DVL3: variants seen among roughly 807,000 people sequenced by gnomAD.
DVL3 encodes dishevelled segment polarity protein 3, also known as segment polarity protein dishevelled homolog DVL-3.
A neutral mutation model predicts 67.4 loss-of-function variants in DVL3; 27 were observed. The observed-to-expected ratio is 0.40, with a 90% CI of 0.30 to 0.55. The LOEUF (loss-of-function observed/expected upper bound fraction) is 0.55. Among genes scored for constraint, DVL3 ranks in the 20% least tolerant of loss-of-function variants. The probability of loss-of-function intolerance (pLI) is 0.46; values close to 1 mark genes in which losing one functional copy is unlikely to be tolerated. For missense variants in DVL3, 819 were observed against 1,021.5 expected (o/e 0.80, Z 2.70); for synonymous variants, 369 against 396.8 (o/e 0.93, Z 0.83).
Position 184,164,648 on chromosome 3 carries a change from C to A in DVL3, c.463+47C>A. 6.4e-7 allele frequency: 1 copy of A among 1,551,928 alleles called. No homozygotes were observed. The highest frequency in any genetic ancestry group is 8.7e-7 in the Non-Finnish European group (1 of 1,144,532). ...CACTGTCCGCACCTCACACCCTCCCCTCACTTTCCACCCAGCTACCCACCT... is the reference window on the plus strand; with the variant it reads ...CACTGTCCGCACCTCACACCCTCCCATCACTTTCCACCCAGCTACCCACCT... On this transcript the variant is annotated intron_variant, in intron 4 of 14. Coordinates refer to ENST00000313143, the MANE Select transcript of DVL3 (RefSeq NM_004423.4). The surrounding 1 kb of genome is among the most constrained non-coding windows in gnomAD (Gnocchi z 5.3).
rs1714558249 is a variant in DVL3 at position 184,165,656 on chromosome 3, A to G, written c.763+165A>G. 6.6e-6 allele frequency among the ~76,000 whole-genome samples: 1 copy of G among 152,200 alleles called. No individual in the cohort carries two copies. ...ATTTTAGTATCTCACCATCAGGGCT[A>G]TGACAGAGATAAGCACAGAGAGCTG... is the stretch of plus-strand genomic sequence containing the variant. On this transcript the variant is annotated intron_variant, in intron 7 of 14. Coordinates refer to ENST00000313143, the MANE Select transcript of DVL3 (RefSeq NM_004423.4). The surrounding 1 kb of genome is among the most constrained non-coding windows in gnomAD (Gnocchi z 4.1).
Position 184,166,796 on chromosome 3 carries a change from G to A in DVL3, c.1049-30G>A, listed in dbSNP as rs1714606529. ...TTGGGCCCAGCAGTGGGTGGGGTGG[G>A]TAGCCCATGACTCCTCATCCTCCCT... On this transcript the variant is annotated intron_variant, in intron 10 of 14. Transcript: ENST00000313143. This position sits in a 1 kb window ranked among gnomAD's most constrained non-coding sequence, Gnocchi z 6.7. 6.2e-7 allele frequency: 1 copy of A among 1,613,494 alleles called. No individual in the cohort carries two copies. Among genetic ancestry groups the A allele is most frequent in the African/African-American group, 1.3e-5 (1 of 74,916 alleles).
chr3:184,169,215 A>G (rs980867684), intron 13 of DVL3, among the ~76,000 whole-genome samples: 5 of 152,194 alleles, frequency 3.3e-5, no homozygotes, highest in African/African-American at 1.2e-4. Context: ...TCATCTGAGA[A>G]GGTAAGGAGA....
intron 13 of DVL3, among the ~76,000 whole-genome samples, chr3:184,168,643 A>C (rs949194850): frequency 6.6e-6 from 1 of 152,082 alleles, no homozygotes; most frequent in East Asian, 1.9e-4. Context: ...CTGTCTCCTG[A>C]CTTCTCTCTT....
chr3:184,171,360 C>G lies in DVL3; in HGVS notation c.*605C>G. 1.0e-6 allele frequency: 1 copy of G among 1,003,096 alleles called. No individual in the cohort carries two copies. The highest frequency in any genetic ancestry group is 1.2e-6 in the Non-Finnish European group (1 of 841,880). The allele number at this position is 1,003,096 out of a possible 1,614,324, so 62.1% of individuals were successfully genotyped here. A position where few individuals can be genotyped will look rare whatever the true frequency, so the allele number is the denominator to read the frequency against. Reference sequence around the variant, plus strand: ...ATGCCATCCCTGCCTGTGCCTAGATCAGAGGCCCAGAGGGCCCCCTCAGTT... The same window carrying G: ...ATGCCATCCCTGCCTGTGCCTAGATGAGAGGCCCAGAGGGCCCCCTCAGTT... On this transcript the variant is annotated 3_prime_UTR_variant, in exon 15 of 15. Coordinates refer to ENST00000313143, the MANE Select transcript of DVL3 (RefSeq NM_004423.4).
chr3:184,170,545 C>T lies in DVL3; in HGVS notation c.1941C>T (p.His647=). 2 of 1,612,284 alleles carry T rather than the reference C, an allele frequency of 1.2e-6. No homozygotes were observed. The highest frequency in any genetic ancestry group is 8.5e-7 in the Non-Finnish European group (1 of 1,179,108). The change falls in exon 15 of 15, where the codon CAC becomes CAT. Residue 647 remains histidine, a synonymous_variant. Transcript: ENST00000313143. This position sits in a 1 kb window ranked among gnomAD's most constrained non-coding sequence, Gnocchi z 6.5. ...CCCTGGCCAGCAGCCTTCGCAGCCA[C>T]CACACACACCCGAGCTACGGTCCTC... ...HHSLASSLRS[H]HTHPSYGPPG...
chr3:184,170,154 G>A lies in DVL3; in HGVS notation c.1647G>A (p.Pro549=), dbSNP rs1714762709. Reference sequence around the variant, plus strand: ...CGCCACCCCCGCACCCATACAACCCGCACCCGGGCTTCCCGGAGCTGGGCT... The same window carrying A: ...CGCCACCCCCGCACCCATACAACCCACACCCGGGCTTCCCGGAGCTGGGCT... ...QYPPPPHPYN[P]HPGFPELGYS... Residue 549 remains proline (P), a synonymous_variant, in exon 14 of 15, where the codon CCG becomes CCA. Transcript: ENST00000313143. The surrounding 1 kb of genome is among the most constrained non-coding windows in gnomAD (Gnocchi z 6.5). 4 of 1,613,496 alleles carry A rather than the reference G, an allele frequency of 2.5e-6. No individual in the cohort carries two copies. Among genetic ancestry groups the A allele is most frequent in the Non-Finnish European group, 3.4e-6 (4 of 1,179,938 alleles).
chr3:184,169,855 G>A lies in DVL3; in HGVS notation c.1499-151G>A, dbSNP rs1714742084. 2.9e-5 allele frequency: 19 copies of A among 662,878 alleles called. No homozygotes were observed. In the East Asian group the frequency reaches 5.7e-4, roughly 20 times the overall value. 41.1% of individuals were successfully genotyped at this position (662,878 alleles called of 1,614,324 possible). ...GGGGCTGGCTCTGGTGGTGGCAAAG[G>A]GGGTCTGCAGAAGGGGGGAGCTCTC... is the stretch of plus-strand genomic sequence containing the variant. On this transcript the variant is annotated intron_variant, in intron 13 of 14. Coordinates refer to ENST00000313143, the MANE Select transcript of DVL3 (RefSeq NM_004423.4).
In DVL3 at chr3:184,170,478, C is replaced by T; in HGVS notation, c.1874C>T (p.Ser625Leu). 6.3e-7 allele frequency: 1 copy of T among 1,592,266 alleles called. No individual in the cohort carries two copies. Among genetic ancestry groups the T allele is most frequent in the Non-Finnish European group, 8.6e-7 (1 of 1,169,470 alleles). The change falls in exon 15 of 15, where the codon TCA becomes TTA. Residue 625 changes from serine to leucine, a missense_variant. This residue lies in a region of DVL3 where 324 missense variants were observed against 331.3 expected (regional missense o/e 0.98). Coordinates refer to ENST00000313143, the MANE Select transcript of DVL3 (RefSeq NM_004423.4). The surrounding 1 kb of genome is among the most constrained non-coding windows in gnomAD (Gnocchi z 6.5). ...GPRERAPSERSGPAASEHSHR... is the reference protein window; with the variant it reads ...GPRERAPSERLGPAASEHSHR... ...CGGGAGCGGGCGCCCAGCGAGCGCT[C>T]AGGGCCGGCGGCCAGCGAGCACAGC...
chr3:184,158,088 A>G (rs555495163), intron 1 of DVL3, among the ~76,000 whole-genome samples: 1 of 152,288 alleles, frequency 6.6e-6, no homozygotes, highest in African/African-American at 2.4e-5. Flanking sequence ...TAATCTCAGC[A>G]ATTTGGGAGG....
Position 184,172,095 on chromosome 3 carries a change from G to C in DVL3, c.*1340G>C, listed in dbSNP as rs1214769754. On this transcript the variant is annotated 3_prime_UTR_variant, in exon 15 of 15. Coordinates refer to ENST00000313143, the MANE Select transcript of DVL3 (RefSeq NM_004423.4). ...GGGTCTCAGGCTGGGCTCAGCAAAGGACTCGCCTTGCAACCGACAGGCCAT... is the reference window on the plus strand; with the variant it reads ...GGGTCTCAGGCTGGGCTCAGCAAAGCACTCGCCTTGCAACCGACAGGCCAT... 2.0e-5 allele frequency: 3 copies of C among 152,388 alleles called. No individual in the cohort carries two copies. The highest frequency in any genetic ancestry group is 7.2e-5 in the African/African-American group (3 of 41,392). The allele number at this position is 152,388 out of a possible 1,614,324, so 9.4% of individuals were successfully genotyped here. A position where few individuals can be genotyped will look rare whatever the true frequency, so the allele number is the denominator to read the frequency against.
Position 184,167,531 on chromosome 3 carries a change from C to G in DVL3, c.1199-49C>G, listed in dbSNP as rs755775351. ...AGCTAGAATGCAAACTCTTGTTTACCTAACTCCAAAGCCCCTTTCTGCCTC... is the reference window on the plus strand; with the variant it reads ...AGCTAGAATGCAAACTCTTGTTTACGTAACTCCAAAGCCCCTTTCTGCCTC... On this transcript the variant is annotated intron_variant, in intron 11 of 14. Coordinates refer to ENST00000313143, the MANE Select transcript of DVL3 (RefSeq NM_004423.4). This position sits in a 1 kb window ranked among gnomAD's most constrained non-coding sequence, Gnocchi z 4.6. 1.3e-6 allele frequency: 2 copies of G among 1,576,544 alleles called. No individual in the cohort carries two copies. Among genetic ancestry groups the G allele is most frequent in the Non-Finnish European group, 1.7e-6 (2 of 1,154,210 alleles).
At chr3:184,161,875 T>A (rs1466109727) in intron 1 of DVL3, among the ~76,000 whole-genome samples, 1 of 152,244 alleles carries the variant, frequency 6.6e-6, no homozygotes, top group Non-Finnish European at 1.5e-5. Flanking sequence ...GTTAACTGAA[T>A]ACATCTCAGT....
chr3:184,156,903 G>C (rs1279598435), intron 1 of DVL3: 1 of 167,922 alleles, frequency 6.0e-6, no homozygotes, highest in Non-Finnish European at 1.3e-5. Context: ...AGGCCCCACA[G>C]CCAAGAGGAG....
In DVL3 at chr3:184,171,510, TG is replaced by T; in HGVS notation, c.*756del. ...AGCAGGCTCATCTCACCTCCAGGCC[TG>T]AAACATTTCTTTTCTTTCTTTTTTC... On this transcript the variant is annotated 3_prime_UTR_variant, in exon 15 of 15. Transcript: ENST00000313143. 1 of 986,050 alleles carries T rather than the reference TG, an allele frequency of 1.0e-6. No homozygotes were observed. Among genetic ancestry groups the T allele is most frequent in the Non-Finnish European group, 1.2e-6 (1 of 830,050 alleles). The allele number at this position is 986,050 out of a possible 1,614,324, so 61.1% of individuals were successfully genotyped here. A position where few individuals can be genotyped will look rare whatever the true frequency, so the allele number is the denominator to read the frequency against.
rs752593464 is a variant in DVL3 at position 184,169,992 on chromosome 3, C to T, written c.1499-14C>T. 63 of 1,590,172 alleles carry T rather than the reference C, an allele frequency of 4.0e-5. No individual in the cohort carries two copies. Among genetic ancestry groups the T allele is most frequent in the Middle Eastern group, 1.7e-4 (1 of 5,962 alleles). Reference sequence around the variant, plus strand: ...CCGGAAAGACCTAGCTCCATCCGGCCCTCCCCTTCACAGACATGGCCAACC... The same window carrying T: ...CCGGAAAGACCTAGCTCCATCCGGCTCTCCCCTTCACAGACATGGCCAACC... On this transcript the variant is annotated splice_polypyrimidine_tract_variant and intron_variant, in intron 13 of 14. Transcript: ENST00000313143.
intron 1 of DVL3, chr3:184,156,548 G>A (rs1268949630): frequency 2.2e-6 from 1 of 445,226 alleles, no homozygotes; most frequent in Non-Finnish European, 4.5e-6. Context: ...GCCAGGAAGA[G>A]TTTCTTGGTG....
In DVL3 at chr3:184,170,310, C is replaced by T. The variant is rs946624131; in HGVS notation, c.1715-9C>T. ...CCTGCCCCACCCCGGCCCTGTTTGC[C>T]TCCTACAGGCAGTCGGAGCAGTGGC... On this transcript the variant is annotated splice_polypyrimidine_tract_variant and intron_variant, in intron 14 of 14. Coordinates refer to ENST00000313143, the MANE Select transcript of DVL3 (RefSeq NM_004423.4). The surrounding 1 kb of genome is among the most constrained non-coding windows in gnomAD (Gnocchi z 6.5). 3 of 1,595,958 alleles carry T rather than the reference C, an allele frequency of 1.9e-6. No homozygotes were observed. Among genetic ancestry groups the T allele is most frequent in the Non-Finnish European group, 1.7e-6 (2 of 1,171,056 alleles).
chr3:184,159,056 GA>G (rs71824038), intron 1 of DVL3, among the ~76,000 whole-genome samples: 857 of 40,744 alleles, frequency 0.021, 7 homozygotes, highest in South Asian at 0.03. Context: ...GATTACAGGT[GA>G]TGAGCCACCG....
Sources: gnomAD v4.1 joint callset for allele counts (sites outside exome capture counted in the v4.1 genomes callset) on GRCh38, gnomAD v4.1.1 for gene constraint, gnomAD v4.1.1 regional missense constraint, Gnocchi (gnomAD v3.1) non-coding constraint, MANE v1.5 for transcripts, NCBI Gene and HGNC (gene_info 2026-07-23, HGNC 2026-07-21) for gene names.